SMKR1: variants seen among roughly 807,000 people sequenced by gnomAD.
SMKR1 encodes the protein small lysine-rich protein 1.
In SMKR1, 4 loss-of-function variants were observed where a neutral mutation model predicts 4.0. The observed-to-expected ratio is 1.00, with a 90% CI of 0.49 to 2.30. The LOEUF (loss-of-function observed/expected upper bound fraction) is 2.30, where lower values mean the gene tolerates loss of function less well. SMKR1 is among the 30% of genes most tolerant of loss of function. The probability of loss-of-function intolerance (pLI) is 0.02; values close to 1 mark genes in which losing one functional copy is unlikely to be tolerated. For missense variants in SMKR1, 56 were observed against 81.8 expected, an observed-to-expected ratio of 0.68 and a Z score of 1.22; for synonymous variants, 38 against 32.5, an observed-to-expected ratio of 1.17 and a Z score of -0.58.
At chr7:129,509,345 A>G (rs1268042059) in intron 1 of SMKR1, among the ~76,000 whole-genome samples, 1 of 152,086 alleles carries the variant, frequency 6.6e-6, no homozygotes, top group Non-Finnish European at 1.5e-5. Flanking sequence ...ATCAAGACCC[A>G]AAGTCTTTAA....
At chr7:129,511,174 A>G (rs1157629886) in intron 1 of SMKR1, among the ~76,000 whole-genome samples, 3 of 152,274 alleles carry the variant, frequency 2.0e-5, no homozygotes, top group Non-Finnish European at 4.4e-5. Flanking sequence ...GGTAGAGATT[A>G]CTTGTAAAAC....
intron 1 of SMKR1, among the ~76,000 whole-genome samples, chr7:129,509,504 C>A (rs936587311): frequency 6.6e-5 from 10 of 152,002 alleles, no homozygotes; most frequent in African/African-American, 2.4e-4. Context: ...GGTTTTGTAT[C>A]TAGGAATGTA....
At chr7:129,511,501 A>G (rs1799526415) in intron 1 of SMKR1, among the ~76,000 whole-genome samples, 1 of 152,248 alleles carries the variant, frequency 6.6e-6, no homozygotes, top group Admixed American at 6.5e-5. Flanking sequence ...CAGACCTAAT[A>G]GAATTACTAA....
At chr7:129,503,362 C>T (rs1799430864) in intron 1 of SMKR1, among the ~76,000 whole-genome samples, 1 of 148,434 alleles carries the variant, frequency 6.7e-6, no homozygotes, top group Admixed American at 6.6e-5. Flanking sequence ...GCCCCTGCCC[C>T]AAGTCCTCAG....
chr7:129,506,059 C>A (rs1194593879), intron 1 of SMKR1, among the ~76,000 whole-genome samples: 2 of 151,976 alleles, frequency 1.3e-5, no homozygotes, highest in African/African-American at 4.8e-5. Flanking sequence ...ATGGATGGGC[C>A]CAGAAACAAA....
At chr7:129,506,535 C>A (rs906812462) in intron 1 of SMKR1, among the ~76,000 whole-genome samples, 4 of 152,166 alleles carry the variant, frequency 2.6e-5, no homozygotes, top group African/African-American at 4.8e-5. Context: ...GTAAATACAG[C>A]CATCACCCAT....
chr7:129,505,725 A>C lies in SMKR1; in HGVS notation c.3+2898A>C, dbSNP rs1212164475. On this transcript the variant is annotated intron_variant, in intron 1 of 1. Coordinates refer to ENST00000462322, the MANE Select transcript of SMKR1 (RefSeq NM_001195243.2). The stretch of plus-strand genomic sequence containing the variant: ...TTGAACTCCTGACCTCAGATGATCC[A>C]CCGGCCTCGGCCTCCCAAAGTGCTG... Among the ~76,000 whole-genome samples, 3 of 151,934 alleles carry C rather than the reference A, an allele frequency of 2.0e-5. No homozygotes were observed. The South Asian group carries it at 6.2e-4, about 31-fold the overall frequency.
intron 1 of SMKR1, among the ~76,000 whole-genome samples, chr7:129,503,131 G>A (rs745856822): frequency 6.6e-6 from 1 of 151,732 alleles, no homozygotes; most frequent in Non-Finnish European, 1.5e-5. Flanking sequence ...ACGTCAGGGC[G>A]CCAGGCCATG....
chr7:129,509,605 A>G (rs182366753), intron 1 of SMKR1, among the ~76,000 whole-genome samples: 1 of 151,728 alleles, frequency 6.6e-6, no homozygotes, highest in Non-Finnish European at 1.5e-5. Flanking sequence ...CAGTGGCGTG[A>G]TCTCGACTCA....
intron 1 of SMKR1, among the ~76,000 whole-genome samples, chr7:129,509,809 G>T (rs910672921): frequency 2.6e-5 from 4 of 152,222 alleles, no homozygotes; most frequent in Non-Finnish European, 5.9e-5. Flanking sequence ...AAAGTGCTGG[G>T]ATTACAGGCG....
chr7:129,505,312 T>C (rs931497519), intron 1 of SMKR1, among the ~76,000 whole-genome samples: 1 of 152,182 alleles, frequency 6.6e-6, no homozygotes, highest in African/African-American at 2.4e-5. Context: ...TGGGAGACTG[T>C]TAAAGACAGA....
chr7:129,504,909 T>C (rs185914801), intron 1 of SMKR1, among the ~76,000 whole-genome samples: 177 of 152,346 alleles, frequency 1.2e-3, no homozygotes, highest in Non-Finnish European at 2.1e-3. Context: ...ATTAGGTGAC[T>C]AGTGTCTTCC....
intron 1 of SMKR1, among the ~76,000 whole-genome samples, chr7:129,504,947 T>G (rs1013253541): frequency 1.3e-5 from 2 of 152,244 alleles, no homozygotes; most frequent in African/African-American, 4.8e-5. Flanking sequence ...GTAAGCATCG[T>G]GAGATCTCCT....
intron 1 of SMKR1, among the ~76,000 whole-genome samples, chr7:129,505,220 CAAT>C (rs1391440886): frequency 6.6e-6 from 1 of 152,118 alleles, no homozygotes; most frequent in Non-Finnish European, 1.5e-5. Flanking sequence ...GGGAAACAAA[CAAT>C]AAACATAAAC....
chr7:129,511,999 A>G (rs905295224), intron 1 of SMKR1, among the ~76,000 whole-genome samples: 1 of 152,142 alleles, frequency 6.6e-6, no homozygotes, highest in African/African-American at 2.4e-5. Flanking sequence ...CCTACCCAAC[A>G]TGGTGAAACC....
At chr7:129,512,168 G>C in intron 1 of SMKR1, 79 bp from the exon 2 acceptor site, 1 of 1,341,486 alleles carries the variant, frequency 7.5e-7, no homozygotes, top group Middle Eastern at 1.9e-4. Context: ...TGGGTGTTGG[G>C]AGTGAAACCC....
intron 1 of SMKR1, among the ~76,000 whole-genome samples, chr7:129,510,279 AG>A (rs1330857996): frequency 1.3e-5 from 2 of 152,248 alleles, no homozygotes; most frequent in African/African-American, 4.8e-5. Context: ...ATTTTCCCAG[AG>A]AACACTGACC....
In SMKR1 at chr7:129,502,683, C is replaced by T. The variant is rs1372775676; in HGVS notation, c.-142C>T. 12 of 1,287,708 alleles carry T rather than the reference C, an allele frequency of 9.3e-6. No homozygotes were observed. Among genetic ancestry groups the T allele is most frequent in the Non-Finnish European group, 1.2e-5 (11 of 934,888 alleles). 79.8% of individuals were successfully genotyped at this position (1,287,708 alleles called of 1,614,324 possible). A position where few individuals can be genotyped will look rare whatever the true frequency, so the allele number is the denominator to read the frequency against. On this transcript the variant is annotated 5_prime_UTR_variant, in exon 1 of 2. Coordinates refer to ENST00000462322, the MANE Select transcript of SMKR1 (RefSeq NM_001195243.2). ...GGCGGGGAGGCGTAGTGAGGCTGGGCCCGTGGCGGTTCCCTGAGGAGGGCC... is the reference window on the plus strand; with the variant it reads ...GGCGGGGAGGCGTAGTGAGGCTGGGTCCGTGGCGGTTCCCTGAGGAGGGCC...
intron 1 of SMKR1, among the ~76,000 whole-genome samples, chr7:129,511,541 AT>A (rs1456698701): frequency 2.0e-5 from 3 of 152,210 alleles, no homozygotes; most frequent in Non-Finnish European, 4.4e-5. Context: ...GATTTCCCTG[AT>A]TAACTCAAAG....
Sources: gnomAD v4.1 joint callset for allele counts (sites outside exome capture counted in the v4.1 genomes callset) on GRCh38, gnomAD v4.1.1 for gene constraint, MANE v1.5 for transcripts, NCBI Gene and HGNC (gene_info 2026-07-23, HGNC 2026-07-21) for gene names.